The following LTBP1 variants were observed in gnomAD, a reference collection of about 807,000 sequenced individuals.
LTBP1 encodes latent transforming growth factor beta binding protein 1.
LTBP1 carries 129 observed loss-of-function variants against 207.6 expected under a neutral mutation model. The observed-to-expected ratio is 0.62, with a 90% CI of 0.54 to 0.72. The LOEUF (loss-of-function observed/expected upper bound fraction) is 0.72, where lower values mean the gene tolerates loss of function less well. LTBP1 is among the 30% of genes least tolerant of loss of function. The pLI, the probability that LTBP1 is intolerant of heterozygous loss-of-function variation, is 0.00. For synonymous variants in LTBP1, 963 were observed against 833.7 expected (o/e 1.16, Z -2.67); for missense variants, 2,281 against 2,217.2 (o/e 1.03, Z -0.58).
At chr2:33,266,290 G>A (rs906570375) in intron 15 of LTBP1, among the ~76,000 whole-genome samples, 1 of 152,236 alleles carries the variant, frequency 6.6e-6, no homozygotes, top group African/African-American at 2.4e-5. Context: ...CAATGAGCAT[G>A]GGAGGGAAGC....
chr2:33,277,616 C>T (rs886580706), intron 18 of LTBP1, among the ~76,000 whole-genome samples: 4 of 151,816 alleles, frequency 2.6e-5, no homozygotes, highest in Admixed American at 6.6e-5. Context: ...ATCCCTGACT[C>T]CTTTTGTGTT....
rs537295705 is a variant in LTBP1, at chr2:33,070,615, C to G, written c.864-39967C>G. The stretch of plus-strand genomic sequence containing the variant: ...CTTCCCAGAAGCCCAAGGGCCACAC[C>G]TAATTTACAAGAACTGGAACCCCTA... On this transcript the variant is annotated intron_variant, in intron 3 of 33. Transcript: ENST00000404816. Among the ~76,000 whole-genome samples, 4 of 152,340 alleles carry G rather than the reference C, an allele frequency of 2.6e-5. No homozygotes were observed. The East Asian group carries it at 5.8e-4, about 22-fold the overall frequency.
At chr2:33,232,787 A>AG (rs2091860809) in intron 9 of LTBP1, among the ~76,000 whole-genome samples, 1 of 152,104 alleles carries the variant, frequency 6.6e-6, no homozygotes. Flanking sequence ...TCCTTTAGTG[A>AG]GGGTCACTAA....
intron 3 of LTBP1, among the ~76,000 whole-genome samples, chr2:33,072,737 A>G (rs1477433514): frequency 6.6e-6 from 1 of 152,140 alleles, no homozygotes; most frequent in Non-Finnish European, 1.5e-5. Context: ...CCGGTATATT[A>G]ATATATATGT....
chr2:33,257,128 C>T (rs976635856), intron 11 of LTBP1, among the ~76,000 whole-genome samples, 156 bp from the exon 12 acceptor site: 1 of 151,696 alleles, frequency 6.6e-6, no homozygotes, highest in African/African-American at 2.4e-5. Context: ...ATCAGAAATT[C>T]GAGCAATTTG....
intron 11 of LTBP1, among the ~76,000 whole-genome samples, chr2:33,256,748 A>ATC: frequency 1.4e-5 from 1 of 70,756 alleles, no homozygotes; most frequent in Admixed American, 1.6e-4. Flanking sequence ...ATATATATAT[A>ATC]TATATATATA....
intron 3 of LTBP1, among the ~76,000 whole-genome samples, chr2:33,101,522 A>G (rs891274272): frequency 5.3e-5 from 8 of 152,286 alleles, no homozygotes; most frequent in Admixed American, 5.2e-4. Flanking sequence ...TTATATCACT[A>G]TGAAGGAGTT....
chr2:33,186,281 T>C (rs1419910557), intron 5 of LTBP1, among the ~76,000 whole-genome samples: 1 of 152,220 alleles, frequency 6.6e-6, no homozygotes, highest in Non-Finnish European at 1.5e-5. Context: ...TGTGAGTACA[T>C]AGTAGGTATA....
At chr2:32,989,345 G>A (rs1684062310) in intron 2 of LTBP1, among the ~76,000 whole-genome samples, 1 of 152,140 alleles carries the variant, frequency 6.6e-6, no homozygotes, top group Non-Finnish European at 1.5e-5. Flanking sequence ...GGATTCCAAA[G>A]ATACAATTAA....
Position 33,187,467 on chromosome 2 carries a change from A to G in LTBP1, c.1426+387A>G, listed in dbSNP as rs183600061. 1.1e-3 allele frequency among the ~76,000 whole-genome samples: 168 copies of G among 152,142 alleles called. 2 individuals carry two copies. The highest frequency in any genetic ancestry group is 2.6e-4 in the Non-Finnish European group (18 of 68,030). ...CGCACAGTACCTGCTGGTGAACTTC[A>G]CAATTGAAGAATGCTTGGTTTTAGT... On this transcript the variant is annotated intron_variant, in intron 6 of 33. Transcript: ENST00000404816.
At chr2:33,232,922 T>C (rs980424516) in intron 9 of LTBP1, among the ~76,000 whole-genome samples, 1 of 152,174 alleles carries the variant, frequency 6.6e-6, no homozygotes, top group Non-Finnish European at 1.5e-5. Context: ...TATACCAAAG[T>C]CTTCTGACTT....
At chr2:33,066,940 G>GA (rs1197313657) in intron 3 of LTBP1, among the ~76,000 whole-genome samples, 1 of 152,182 alleles carries the variant, frequency 6.6e-6, no homozygotes, top group Non-Finnish European at 1.5e-5. Context: ...GCTGAGATGA[G>GA]AGGATTGCCT....
At chr2:33,133,902 A>T (rs1432324247) in intron 4 of LTBP1, among the ~76,000 whole-genome samples, 1 of 152,146 alleles carries the variant, frequency 6.6e-6, no homozygotes, top group Non-Finnish European at 1.5e-5. Context: ...GTAAACCAGG[A>T]TATACTTTTA....
At chr2:33,332,616 G>T (rs1010986227) in intron 24 of LTBP1, among the ~76,000 whole-genome samples, 2 of 151,330 alleles carry the variant, frequency 1.3e-5, no homozygotes, top group African/African-American at 4.9e-5. Flanking sequence ...GAGTGCAGTG[G>T]TGCTATCTGG....
At chr2:33,071,997 A>G (rs958671006) in intron 3 of LTBP1, among the ~76,000 whole-genome samples, 1 of 151,292 alleles carries the variant, frequency 6.6e-6, no homozygotes, top group Admixed American at 6.6e-5. Context: ...TGGAGACAGC[A>G]TCGGATCCCA....
rs7599038 is a variant in LTBP1, at chr2:33,384,239, G to C, written c.4712-4945G>C. ...TTTAAGATGAAAAGCAACAGCATTTGTCATATGAATCAGCCATGCCAGGGA... is the reference window on the plus strand; with the variant it reads ...TTTAAGATGAAAAGCAACAGCATTTCTCATATGAATCAGCCATGCCAGGGA... On this transcript the variant is annotated intron_variant, in intron 31 of 33. Coordinates refer to ENST00000404816, the MANE Select transcript of LTBP1 (RefSeq NM_206943.4). Among the ~76,000 whole-genome samples, 216 of 152,312 alleles carry C rather than the reference G, an allele frequency of 1.4e-3. 1 individual carries two copies. Among genetic ancestry groups the C allele is most frequent in the African/African-American group, 5.0e-3 (207 of 41,558 alleles).
intron 31 of LTBP1, among the ~76,000 whole-genome samples, chr2:33,374,947 T>C (rs567896742): frequency 2.0e-5 from 3 of 152,146 alleles, no homozygotes; most frequent in African/African-American, 7.2e-5. Context: ...GCAAGACTCC[T>C]TCCCAAAAAA....
intron 4 of LTBP1, among the ~76,000 whole-genome samples, chr2:33,114,058 T>A (rs1011643515): frequency 6.6e-6 from 1 of 152,216 alleles, no homozygotes; most frequent in Non-Finnish European, 1.5e-5. Context: ...GCCAGGCTAG[T>A]CTCGAACTCC....
At chr2:33,009,264 GTGTTA>G (rs2149076945) in intron 2 of LTBP1, among the ~76,000 whole-genome samples, 1 of 152,304 alleles carries the variant, frequency 6.6e-6, no homozygotes, top group East Asian at 1.9e-4. Context: ...GATTGGATGT[GTGTTA>G]TGATGAAAAC....
Sources: gnomAD v4.1 joint callset for allele counts (sites outside exome capture counted in the v4.1 genomes callset) on GRCh38, gnomAD v4.1.1 for gene constraint, MANE v1.5 for transcripts, NCBI Gene and HGNC (gene_info 2026-07-23, HGNC 2026-07-21) for gene names.